The following NDST4 variants were observed in gnomAD, a reference collection of about 807,000 sequenced individuals.
NDST4 encodes N-deacetylase and N-sulfotransferase 4, also known as N-heparan sulfate sulfotransferase 4.
A neutral mutation model predicts 100.8 loss-of-function variants in NDST4; 63 were observed. The ratio of observed to expected loss-of-function variants is 0.62; its 90% CI spans 0.51 to 0.77. The LOEUF (loss-of-function observed/expected upper bound fraction) is 0.77, where lower values mean the gene tolerates loss of function less well. Ranked by LOEUF, NDST4 falls within the 30% of genes least tolerant of loss-of-function variation. The probability of loss-of-function intolerance (pLI) is 0.00; values close to 1 mark genes in which losing one functional copy is unlikely to be tolerated. For synonymous variants in NDST4, 377 were observed against 361.8 expected (o/e 1.04, Z -0.48); for missense variants, 943 against 1,018.4 (o/e 0.93, Z 1.01).
chr4:115,097,924 C>A (rs1193708415), intron 1 of NDST4, among the ~76,000 whole-genome samples: 1 of 152,132 alleles, frequency 6.6e-6, no homozygotes, highest in Non-Finnish European at 1.5e-5. Context: ...TACTTGTGAA[C>A]CAGATATAAA....
At chr4:114,958,680 G>A (rs1244062326) in intron 4 of NDST4, among the ~76,000 whole-genome samples, 1 of 152,136 alleles carries the variant, frequency 6.6e-6, no homozygotes, top group Non-Finnish European at 1.5e-5. Context: ...CTTGTGATGG[G>A]AGGAGCTGCC....
rs2126289808 is a variant in NDST4 at position 115,076,631 on chromosome 4, T to A, written c.406A>T (p.Ile136Phe). 6.2e-7 allele frequency: 1 copy of A among 1,613,860 alleles called. No homozygotes were observed. The highest frequency in any genetic ancestry group is 8.5e-7 in the Non-Finnish European group (1 of 1,179,854). Residue 136 changes from isoleucine to phenylalanine, a missense_variant, in exon 2 of 14, where the codon ATT becomes TTT. By Grantham distance (21) the Ile-to-Phe change is conservative. Transcript: ENST00000264363. ...GAGTCCATGCTGACATACTTCAGAA[T>A]ATTTTCATAAATAACTAAAGTATAT... is the stretch of plus-strand genomic sequence containing the variant. The part of the protein sequence containing the change: ...GKYTLVIYEN[I>F]LKYVSMDSWN...
intron 4 of NDST4, among the ~76,000 whole-genome samples, chr4:114,955,230 C>G (rs1161727003): frequency 2.0e-5 from 3 of 152,062 alleles, no homozygotes. Flanking sequence ...TCAGGGGAAC[C>G]TTGGGGTCAA....
intron 2 of NDST4, among the ~76,000 whole-genome samples, chr4:115,021,037 T>G (rs1727800767): frequency 6.6e-6 from 1 of 152,108 alleles, no homozygotes; most frequent in Admixed American, 6.6e-5. Context: ...AAAACTACCA[T>G]GATCCAGCAA....
At chr4:115,020,474 C>A (rs1253377188) in intron 2 of NDST4, among the ~76,000 whole-genome samples, 1 of 152,030 alleles carries the variant, frequency 6.6e-6, no homozygotes, top group South Asian at 2.1e-4. Flanking sequence ...ATAGGAAAAA[C>A]CCTTTTAGAT....
chr4:115,000,892 G>A (rs1248905451), intron 2 of NDST4, among the ~76,000 whole-genome samples: 2 of 152,062 alleles, frequency 1.3e-5, no homozygotes, highest in African/African-American at 4.8e-5. Flanking sequence ...TGACATATTT[G>A]ATGTCTAGTG....
intron 6 of NDST4, among the ~76,000 whole-genome samples, chr4:114,905,130 C>A (rs4090781): frequency 0.15 from 23,042 of 149,284 alleles, 2,383 homozygotes; most frequent in African/African-American, 0.3. Context: ...CATAAAAATT[C>A]TTCCTTTTTT....
At chr4:114,874,190 A>G (rs905652204) in intron 6 of NDST4, among the ~76,000 whole-genome samples, 2 of 152,190 alleles carry the variant, frequency 1.3e-5, no homozygotes, top group Non-Finnish European at 2.9e-5. Flanking sequence ...TATCATAAAG[A>G]GTATTTTTAT....
intron 2 of NDST4, 138 bp downstream of exon 2, chr4:115,075,921 A>G (rs1002710968): frequency 8.7e-6 from 9 of 1,038,862 alleles, no homozygotes; most frequent in Non-Finnish European, 1.2e-5. Context: ...TTGGTTCAAT[A>G]TTTTTCTAAA....
At chr4:115,005,906 G>A (rs187720401) in intron 2 of NDST4, among the ~76,000 whole-genome samples, 25 of 151,698 alleles carry the variant, frequency 1.6e-4, no homozygotes, top group Admixed American at 6.6e-4. Context: ...GGTGGTATGC[G>A]TTTGTAATCT....
intron 2 of NDST4, among the ~76,000 whole-genome samples, chr4:115,016,995 A>ATGTGTGTGTG (rs140090585): frequency 6.8e-6 from 1 of 146,326 alleles, no homozygotes; most frequent in African/African-American, 2.5e-5. Context: ...TCATGTGTGT[A>ATGTGTGTGTG]TGTGTGTGTG....
rs1491284807 is a variant in NDST4 at position 114,916,897 on chromosome 4, TTA to T, written c.1536+18307_1536+18308del. On this transcript the variant is annotated intron_variant, in intron 6 of 13. Transcript: ENST00000264363. The stretch of plus-strand genomic sequence containing the variant: ...ATGAGAACCGTACCCTTAATTTTTT[TTA>T]TTTCTCTGGAACACTATAAATCTTT... Among the ~76,000 whole-genome samples the T allele has an allele frequency of 4.6e-4, 69 of 150,102 alleles. No homozygotes were observed. The East Asian group carries it at 6.1e-3, about 13-fold the overall frequency.
At chr4:114,960,183 C>T (rs1328724885) in intron 4 of NDST4, among the ~76,000 whole-genome samples, 1 of 152,098 alleles carries the variant, frequency 6.6e-6, no homozygotes. Context: ...TCAAAAATAG[C>T]GGTGAAATAA....
chr4:115,102,704 C>CTTTTTTTTTTTTTTTTTTTT (rs751431042), intron 1 of NDST4, among the ~76,000 whole-genome samples: 1 of 90,578 alleles, frequency 1.1e-5, no homozygotes, highest in Non-Finnish European at 1.9e-5. Flanking sequence ...TTCTGACTTC[C>CTTTTTTTTTTTTTTTTTTTT]TTTTTTTTTT....
intron 3 of NDST4, among the ~76,000 whole-genome samples, chr4:114,975,214 C>T (rs1222982507): frequency 6.6e-6 from 1 of 152,004 alleles, no homozygotes; most frequent in Middle Eastern, 3.2e-3. Flanking sequence ...TATGATGGCA[C>T]TCTTGAAATA....
At chr4:115,093,076 G>C (rs1729550142) in intron 1 of NDST4, among the ~76,000 whole-genome samples, 1 of 152,076 alleles carries the variant, frequency 6.6e-6, no homozygotes, top group South Asian at 2.1e-4. Flanking sequence ...CAATATCGTG[G>C]CCTCAAATTT....
intron 6 of NDST4, among the ~76,000 whole-genome samples, chr4:114,929,089 CATCCATCCATCCATCCATCCATCCATCT>C (rs1482672092): frequency 8.9e-6 from 1 of 111,954 alleles, no homozygotes; most frequent in Non-Finnish European, 2.0e-5. Context: ...TCCATCCATC[CATCCATCCATCCATCCATCCATCCATCT>C]ATCTATCTAT....
At chr4:114,918,682 A>G (rs1725229053) in intron 6 of NDST4, among the ~76,000 whole-genome samples, 2 of 152,168 alleles carry the variant, frequency 1.3e-5, no homozygotes, top group South Asian at 2.1e-4. Context: ...TGAAAGAAAC[A>G]TCTGACAGAG....
chr4:114,894,600 G>T (rs1724672760), intron 6 of NDST4, among the ~76,000 whole-genome samples: 1 of 152,146 alleles, frequency 6.6e-6, no homozygotes, highest in African/African-American at 2.4e-5. Flanking sequence ...TGTATCCTGA[G>T]ACTTTGCTGA....
Sources: allele counts gnomAD v4.1 joint callset (sites outside exome capture counted in the v4.1 genomes callset), GRCh38; gene constraint gnomAD v4.1.1; transcripts MANE v1.5; gene names NCBI Gene and HGNC (gene_info 2026-07-23, HGNC 2026-07-21).